Variants in PPP1R12A observed in about 807,000 individuals in gnomAD.
The protein encoded by PPP1R12A is myosin binding subunit.
In PPP1R12A, 19 loss-of-function variants were observed where a neutral mutation model predicts 139.6. The observed-to-expected ratio is 0.14, with a 90% CI of 0.09 to 0.20. PPP1R12A has a LOEUF of 0.20. PPP1R12A is among the 10% of genes least tolerant of loss of function. The pLI is 1.00. For synonymous variants in PPP1R12A, 427 were observed against 420.6 expected, an observed-to-expected ratio of 1.02 and a Z score of -0.19; for missense variants, 925 against 1,211.5, an observed-to-expected ratio of 0.76 and a Z score of 3.51.
Position 79,796,784 on chromosome 12 carries a change from C to T in PPP1R12A, c.2459G>A (p.Arg820Lys), listed in dbSNP as rs372736855. Residue 820 changes from arginine to lysine, a missense_variant and splice_region_variant, in exon 17 of 25, where the codon AGA becomes AAA. By Grantham distance (26) the Arg-to-Lys change is conservative. Around this residue, in one of 4 missense-constraint regions of PPP1R12A, gnomAD observed 315 missense variants for 363.4 expected, o/e 0.87. Transcript: ENST00000450142. ...TTTTCAAAATTTGGTATTCTTACCT[C>T]TTTCATTTTCTTTTGTTATTCCTCT... ...YSRGITKENEREGEKREEEKE... is the reference protein window; with the variant it reads ...YSRGITKENEKEGEKREEEKE... The T allele has an allele frequency of 9.2e-5, 147 of 1,600,630 alleles. No individual in the cohort carries two copies. Among genetic ancestry groups the T allele is most frequent in the Middle Eastern group, 1.7e-4 (1 of 6,036 alleles).
intron 1 of PPP1R12A, among the ~76,000 whole-genome samples, chr12:79,918,569 A>G (rs1447505487): frequency 1.3e-5 from 2 of 152,136 alleles, no homozygotes; most frequent in Non-Finnish European, 2.9e-5. Flanking sequence ...TCTTTAAATA[A>G]TCCCTCAAGC....
intron 1 of PPP1R12A, among the ~76,000 whole-genome samples, chr12:79,922,762 C>T (rs139392780): frequency 1.3e-5 from 2 of 152,136 alleles, no homozygotes; most frequent in African/African-American, 2.4e-5. Context: ...AGATATGAGT[C>T]GGTAAGTGCA....
chr12:79,896,740 T>A (rs753449696), intron 1 of PPP1R12A, among the ~76,000 whole-genome samples: 1 of 152,200 alleles, frequency 6.6e-6, no homozygotes, highest in Non-Finnish European at 1.5e-5. Context: ...ATGATTTAAA[T>A]CCATCTTGAT....
At position 79,775,917 on chromosome 12, in the gene PPP1R12A, C is replaced by CTTTT; in HGVS notation, c.*8_*11dup. 7.7e-7 allele frequency: 1 copy of CTTTT among 1,304,116 alleles called. No individual in the cohort carries two copies. The highest frequency in any genetic ancestry group is 1.4e-5 in the South Asian group (1 of 72,588). The allele number at this position is 1,304,116 out of a possible 1,614,324, so 80.8% of individuals were successfully genotyped here. Reference sequence around the variant, plus strand: ...ATATGTGCAATTCCATTACTTGCTGCTTTTTTTTTTTTTATTTGGAAAGTT... The same window carrying CTTTT: ...ATATGTGCAATTCCATTACTTGCTGCTTTTTTTTTTTTTTTTTATTTGGAAAGTT... On this transcript the variant is annotated 3_prime_UTR_variant, in exon 25 of 25. Coordinates refer to ENST00000450142, the MANE Select transcript of PPP1R12A (RefSeq NM_002480.3).
chr12:79,886,688 T>A (rs1884134365), intron 1 of PPP1R12A, among the ~76,000 whole-genome samples: 1 of 152,046 alleles, frequency 6.6e-6, no homozygotes, highest in African/African-American at 2.4e-5. Context: ...TATAAAAAAA[T>A]CTGACGAAAA....
intron 1 of PPP1R12A, among the ~76,000 whole-genome samples, chr12:79,926,935 G>A (rs1565820899): frequency 6.6e-6 from 1 of 152,106 alleles, no homozygotes; most frequent in Non-Finnish European, 1.5e-5. Context: ...AGTGGCTCAC[G>A]CCTGTAATCC....
chr12:79,788,598 T>C (rs779652241), intron 21 of PPP1R12A, 50 bp downstream of exon 21: 1 of 1,474,866 alleles, frequency 6.8e-7, no homozygotes, highest in Non-Finnish European at 9.2e-7. Context: ...AATGAGTATC[T>C]CAACATAAAA....
intron 1 of PPP1R12A, among the ~76,000 whole-genome samples, chr12:79,918,791 G>GA (rs1457175408): frequency 1.3e-5 from 2 of 152,092 alleles, no homozygotes; most frequent in Non-Finnish European, 2.9e-5. Flanking sequence ...TCTTAAAAAA[G>GA]AAAAATTGGT....
At chr12:79,812,856 C>T (rs1226652281) in intron 9 of PPP1R12A, among the ~76,000 whole-genome samples, 1 of 152,128 alleles carries the variant, frequency 6.6e-6, no homozygotes, top group Admixed American at 6.6e-5. Context: ...TTATGTTAGA[C>T]CTTCTCTGTC....
intron 2 of PPP1R12A, among the ~76,000 whole-genome samples, chr12:79,863,206 C>T (rs570150075): frequency 3.3e-5 from 5 of 152,204 alleles, no homozygotes; most frequent in African/African-American, 1.2e-4. Flanking sequence ...AATTTCATAT[C>T]CAGCCAAACT....
chr12:79,827,548 A>G (rs1484332264), intron 5 of PPP1R12A, among the ~76,000 whole-genome samples: 2 of 152,124 alleles, frequency 1.3e-5, no homozygotes, highest in African/African-American at 4.8e-5. Context: ...ACCTACCAAC[A>G]CAGAGTAGGA....
chr12:79,895,357 G>GA (rs1885039477), intron 1 of PPP1R12A, among the ~76,000 whole-genome samples: 1 of 152,086 alleles, frequency 6.6e-6, no homozygotes, highest in Non-Finnish European at 1.5e-5. Flanking sequence ...AGAAAATGTA[G>GA]AAAGATTATA....
intron 5 of PPP1R12A, among the ~76,000 whole-genome samples, chr12:79,825,874 A>C (rs1325955719): frequency 6.6e-6 from 1 of 152,034 alleles, no homozygotes; most frequent in Non-Finnish European, 1.5e-5. Flanking sequence ...AGTCTAATTC[A>C]TACATGCAAA....
At chr12:79,795,852 G>A in intron 17 of PPP1R12A, 93 bp from the exon 18 acceptor site, 2 of 1,272,666 alleles carry the variant, frequency 1.6e-6, no homozygotes, top group Non-Finnish European at 2.2e-6. Flanking sequence ...ATGGGCCAGG[G>A]GACTATCTAG....
chr12:79,839,924 A>G (rs1878517481), intron 3 of PPP1R12A, among the ~76,000 whole-genome samples: 1 of 152,166 alleles, frequency 6.6e-6, no homozygotes, highest in African/African-American at 2.4e-5. Flanking sequence ...GTGCTTTTTT[A>G]TAATTATTAA....
chr12:79,817,652 T>G (rs1438086253), intron 8 of PPP1R12A, 134 bp from the exon 9 acceptor site: 8 of 785,446 alleles, frequency 1.0e-5, no homozygotes, highest in African/African-American at 7.1e-5. Context: ...TGATTCCTTT[T>G]CGCAAGTCAG....
At chr12:79,899,231 AAAATATATATAT>A (rs1885403745) in intron 1 of PPP1R12A, among the ~76,000 whole-genome samples, 2 of 122,708 alleles carry the variant, frequency 1.6e-5, no homozygotes, top group African/African-American at 3.0e-5. Flanking sequence ...AGAGATCTTA[AAAATATATATAT>A]ATATATATAT....
chr12:79,848,788 G>A (rs545829422), intron 2 of PPP1R12A: 6 of 151,944 alleles, frequency 3.9e-5, no homozygotes, highest in East Asian at 1.9e-4. Context: ...AAAATCTCAC[G>A]GACTGATTAA....
intron 8 of PPP1R12A, 107 bp from the exon 9 acceptor site, chr12:79,817,625 A>G (rs1875569883): frequency 1.8e-6 from 2 of 1,126,656 alleles, no homozygotes; most frequent in Non-Finnish European, 2.4e-6. Context: ...TTGTTAACTA[A>G]AAGTCTTTCC....
Sources: gnomAD v4.1 joint callset for allele counts (sites outside exome capture counted in the v4.1 genomes callset) on GRCh38, gnomAD v4.1.1 for gene constraint, gnomAD v4.1.1 regional missense constraint, MANE v1.5 for transcripts, NCBI Gene and HGNC (gene_info 2026-07-23, HGNC 2026-07-21) for gene names.